Variants in PTPRO observed in about 807,000 individuals in gnomAD.
The protein encoded by PTPRO is receptor-type tyrosine-protein phosphatase O.
PTPRO carries 62 observed loss-of-function variants against 145.2 expected under a neutral mutation model. That is an observed-to-expected ratio of 0.43 (90% CI 0.35 to 0.53). PTPRO has a LOEUF of 0.53. PTPRO is among the 20% of genes least tolerant of loss of function. PTPRO has a pLI of 0.01. For synonymous variants in PTPRO, 565 were observed against 514.7 expected, an observed-to-expected ratio of 1.10 and a Z score of -1.32; for missense variants, 1,345 against 1,482.7, an observed-to-expected ratio of 0.91 and a Z score of 1.53.
At chr12:15,569,887 C>T (rs769746217) in intron 19 of PTPRO, among the ~76,000 whole-genome samples, 20 of 152,114 alleles carry the variant, frequency 1.3e-4, no homozygotes, top group Admixed American at 2.6e-4. Flanking sequence ...ACAGTAGTGG[C>T]GGATAGTGGA....
At chr12:15,508,905 CAGAGGG>C in intron 7 of PTPRO, 138 bp downstream of exon 7, 1 of 839,932 alleles carries the variant, frequency 1.2e-6, no homozygotes, top group Non-Finnish European at 1.9e-6. Flanking sequence ...TCCCAAGAGC[CAGAGGG>C]GCCAGAAATG....
intron 19 of PTPRO, among the ~76,000 whole-genome samples, chr12:15,569,863 A>T (rs1943999866): frequency 6.6e-6 from 1 of 152,204 alleles, no homozygotes; most frequent in South Asian, 2.1e-4. Context: ...AGTGTTTCTC[A>T]TGCTTCTTAG....
intron 1 of PTPRO, among the ~76,000 whole-genome samples, chr12:15,436,826 G>A (rs928167554): frequency 5.3e-5 from 8 of 152,202 alleles, no homozygotes; most frequent in Non-Finnish European, 1.0e-4. Flanking sequence ...GTAAAAAAGT[G>A]TCTCAGCAGT....
intron 1 of PTPRO, among the ~76,000 whole-genome samples, chr12:15,438,438 G>T (rs913450351): frequency 1.3e-5 from 2 of 151,614 alleles, no homozygotes; most frequent in African/African-American, 2.4e-5. Flanking sequence ...TCCAAGACAA[G>T]GTTGAAAATC....
At chr12:15,513,270 AGGAG>A (rs1157919920) in intron 7 of PTPRO, among the ~76,000 whole-genome samples, 6 of 104,882 alleles carry the variant, frequency 5.7e-5, no homozygotes, top group African/African-American at 1.8e-4. Context: ...GGGGGAAGGA[AGGAG>A]GGAGGGAGGG....
chr12:15,386,961 A>C (rs2136281593), intron 1 of PTPRO, among the ~76,000 whole-genome samples: 1 of 152,342 alleles, frequency 6.6e-6, no homozygotes, highest in African/African-American at 2.4e-5. Context: ...ACCACTTATT[A>C]GTGACATCTG....
At chr12:15,554,101 G>C (rs1223889211) in intron 15 of PTPRO, among the ~76,000 whole-genome samples, 1 of 152,196 alleles carries the variant, frequency 6.6e-6, no homozygotes, top group Non-Finnish European at 1.5e-5. Context: ...GGCTGAGACA[G>C]GAGGCAGAGG....
intron 1 of PTPRO, among the ~76,000 whole-genome samples, chr12:15,365,562 C>A (rs1938335395): frequency 6.6e-6 from 1 of 152,200 alleles, no homozygotes; most frequent in South Asian, 2.1e-4. Flanking sequence ...TATGTAGGCC[C>A]AGTCTCTATT....
intron 12 of PTPRO, 40 bp downstream of exon 12, chr12:15,526,302 A>G (rs1437084019): frequency 6.2e-7 from 1 of 1,610,578 alleles, no homozygotes; most frequent in African/African-American, 1.3e-5. Flanking sequence ...AATAATCACT[A>G]ATGTTTGCAT....
chr12:15,531,527 T>G (rs1187352415), intron 12 of PTPRO, among the ~76,000 whole-genome samples: 1 of 152,162 alleles, frequency 6.6e-6, no homozygotes, highest in East Asian at 1.9e-4. Context: ...AAAGTGACTG[T>G]GTAACACAAA....
At chr12:15,575,884 C>T (rs1253451610) in intron 19 of PTPRO, among the ~76,000 whole-genome samples, 1 of 152,178 alleles carries the variant, frequency 6.6e-6, no homozygotes, top group Non-Finnish European at 1.5e-5. Context: ...TCCATCTTTA[C>T]ATGCCTTTTC....
chr12:15,468,632 A>T (rs979758264), intron 1 of PTPRO, among the ~76,000 whole-genome samples: 5 of 152,102 alleles, frequency 3.3e-5, no homozygotes, highest in Non-Finnish European at 7.4e-5. Flanking sequence ...TGCTTTTTCC[A>T]CTTGCAATTA....
rs76145521 is a variant in PTPRO at position 15,556,240 on chromosome 12, T to C, written c.2559-1215T>C. On this transcript the variant is annotated intron_variant, in intron 15 of 26. Coordinates refer to ENST00000281171, the MANE Select transcript of PTPRO (RefSeq NM_030667.3). ...AAATTCATTAATGATGTGTAAATTA[T>C]AATACACTATGATATTATATTAGTG... 8.1e-4 allele frequency among the ~76,000 whole-genome samples: 124 copies of C among 152,342 alleles called. 1 individual carries two copies. The highest frequency in any genetic ancestry group is 6.4e-3 in the East Asian group (33 of 5,186).
intron 1 of PTPRO, among the ~76,000 whole-genome samples, chr12:15,427,210 T>C (rs746659030): frequency 1.2e-4 from 18 of 152,048 alleles, no homozygotes; most frequent in Non-Finnish European, 2.2e-4. Context: ...GAAAAACAGA[T>C]ATTGGAAATT....
At chr12:15,380,093 C>T (rs1591759382) in intron 1 of PTPRO, among the ~76,000 whole-genome samples, 1 of 152,012 alleles carries the variant, frequency 6.6e-6, no homozygotes, top group African/African-American at 2.4e-5. Context: ...AGCATATCAC[C>T]TAATAATCAC....
chr12:15,519,555 C>A (rs1448261529), intron 9 of PTPRO, among the ~76,000 whole-genome samples: 3 of 152,222 alleles, frequency 2.0e-5, no homozygotes, highest in African/African-American at 7.2e-5. Flanking sequence ...ACTGCTTCTC[C>A]TGGATCCTGG....
At chr12:15,408,282 G>A (rs916199022) in intron 1 of PTPRO, among the ~76,000 whole-genome samples, 1 of 151,968 alleles carries the variant, frequency 6.6e-6, no homozygotes, top group Non-Finnish European at 1.5e-5. Context: ...TCTATGGAAG[G>A]CTGCATTATC....
chr12:15,388,002 C>T (rs2136282804), intron 1 of PTPRO, among the ~76,000 whole-genome samples: 1 of 151,868 alleles, frequency 6.6e-6, no homozygotes, highest in South Asian at 2.1e-4. Flanking sequence ...ATTGTGACAC[C>T]CTATAAGGAA....
intron 13 of PTPRO, among the ~76,000 whole-genome samples, chr12:15,548,146 T>C (rs1342817113): frequency 1.3e-5 from 2 of 151,982 alleles, no homozygotes; most frequent in African/African-American, 2.4e-5. Context: ...AAATATTTCA[T>C]AGAAAAATAC....
Sources: gnomAD v4.1 joint callset for allele counts (sites outside exome capture counted in the v4.1 genomes callset) on GRCh38, gnomAD v4.1.1 for gene constraint, MANE v1.5 for transcripts, NCBI Gene and HGNC (gene_info 2026-07-23, HGNC 2026-07-21) for gene names.